ABCA1: variants seen among roughly 807,000 people sequenced by gnomAD.
The protein encoded by ABCA1 is ATP binding cassette subfamily A member 1.
A neutral mutation model predicts 262.5 loss-of-function variants in ABCA1; 133 were observed. The ratio of observed to expected loss-of-function variants is 0.51; its 90% CI spans 0.44 to 0.59. ABCA1 has a LOEUF of 0.59. Among genes scored for constraint, ABCA1 ranks in the 20% least tolerant of loss-of-function variants. The probability of loss-of-function intolerance (pLI) is 0.00; values close to 1 mark genes in which losing one functional copy is unlikely to be tolerated. For synonymous variants in ABCA1, 1,022 were observed against 1,043.5 expected, an observed-to-expected ratio of 0.98 and a Z score of 0.40; for missense variants, 2,452 against 2,777.5, an observed-to-expected ratio of 0.88 and a Z score of 2.63.
chr9:104,856,494 G>T (rs762748430), intron 7 of ABCA1, among the ~76,000 whole-genome samples: 1 of 152,162 alleles, frequency 6.6e-6, no homozygotes, highest in Admixed American at 6.5e-5. Flanking sequence ...TGTAGCTGAC[G>T]GTTCTGAAGG....
At chr9:104,819,534 GCC>G in intron 22 of ABCA1, 50 bp downstream of exon 22, 1 of 1,612,312 alleles carries the variant, frequency 6.2e-7, no homozygotes, top group Non-Finnish European at 8.5e-7. Flanking sequence ...CTTCTCAAAA[GCC>G]CCCCGCTCTC....
chr9:104,834,054 T>C (rs1369338333), intron 11 of ABCA1, among the ~76,000 whole-genome samples: 2 of 149,936 alleles, frequency 1.3e-5, no homozygotes, highest in Non-Finnish European at 1.5e-5. Flanking sequence ...TGCTGCTTTA[T>C]AAAAAAATCA....
At chr9:104,893,209 T>A (rs1159424721) in intron 2 of ABCA1, among the ~76,000 whole-genome samples, 1 of 151,306 alleles carries the variant, frequency 6.6e-6, no homozygotes, top group African/African-American at 2.4e-5. Context: ...GATCATGAGG[T>A]CAGGAGTTCA....
At chr9:104,898,848 C>A (rs2244278) in intron 2 of ABCA1, among the ~76,000 whole-genome samples, 15,483 of 152,160 alleles carry the variant, frequency 0.1, 1,061 homozygotes, top group South Asian at 0.22. Context: ...GACAACCTGT[C>A]AATCTAAATG....
At chr9:104,911,839 C>T (rs978086986) in intron 1 of ABCA1, among the ~76,000 whole-genome samples, 4 of 152,282 alleles carry the variant, frequency 2.6e-5, no homozygotes, top group Admixed American at 1.3e-4. Context: ...GTAAGAAATC[C>T]TCCAAGGTAA....
At chr9:104,897,312 A>C (rs1177744937) in intron 2 of ABCA1, among the ~76,000 whole-genome samples, 1 of 152,148 alleles carries the variant, frequency 6.6e-6, no homozygotes, top group Non-Finnish European at 1.5e-5. Flanking sequence ...AATTGGTTGG[A>C]TCCTCTGGAA....
chr9:104,845,015 G>A (rs1834734522), intron 8 of ABCA1, among the ~76,000 whole-genome samples: 1 of 152,214 alleles, frequency 6.6e-6, no homozygotes, highest in African/African-American at 2.4e-5. Context: ...AACCTCAGAA[G>A]CCAGATGCTT....
intron 7 of ABCA1, among the ~76,000 whole-genome samples, chr9:104,848,342 T>C (rs1009265462): frequency 6.6e-6 from 1 of 152,126 alleles, no homozygotes. Context: ...AGGCTGGGCA[T>C]GGTGGCTCAC....
intron 1 of ABCA1, among the ~76,000 whole-genome samples, chr9:104,920,532 G>T (rs1390610646): frequency 6.6e-6 from 1 of 152,044 alleles, no homozygotes; most frequent in Non-Finnish European, 1.5e-5. Flanking sequence ...GTTTTGTTTT[G>T]TTTTGTTTTT....
intron 29 of ABCA1, among the ~76,000 whole-genome samples, chr9:104,810,569 A>G (rs907571117): frequency 2.6e-5 from 4 of 152,186 alleles, no homozygotes; most frequent in Non-Finnish European, 4.4e-5. Context: ...GTTCCTGACA[A>G]CAGTAGGATG....
Position 104,817,087 on chromosome 9 carries a change from C to T in ABCA1, c.3535+245G>A. On this transcript the variant is annotated intron_variant, in intron 24 of 49. Transcript: ENST00000374736. This position sits in a 1 kb window ranked among gnomAD's most constrained non-coding sequence, Gnocchi z 4.7. The stretch of plus-strand genomic sequence containing the variant: ...CCACTCCCCTAAGGGATTCCCCAAA[C>T]CCCAATCATCTCAGCTCTCTGGGAC... 1 of 513,612 alleles carries T rather than the reference C, an allele frequency of 1.9e-6. No individual in the cohort carries two copies. Among genetic ancestry groups the T allele is most frequent in the African/African-American group, 2.1e-5 (1 of 48,044 alleles). The allele number at this position is 513,612 out of a possible 1,614,324, so 31.8% of individuals were successfully genotyped here. A position where few individuals can be genotyped will look rare whatever the true frequency, so the allele number is the denominator to read the frequency against.
chr9:104,903,342 G>A (rs577479931), intron 2 of ABCA1, among the ~76,000 whole-genome samples: 5 of 152,282 alleles, frequency 3.3e-5, no homozygotes, highest in East Asian at 1.9e-4. Context: ...GCTCAGGGGC[G>A]ATTCGGAGCC....
chr9:104,803,806 C>T (rs1047505095), intron 32 of ABCA1, among the ~76,000 whole-genome samples: 2 of 152,080 alleles, frequency 1.3e-5, no homozygotes, highest in African/African-American at 4.8e-5. Context: ...AGGGTTTCCC[C>T]ATGTTGGCCA....
At chr9:104,804,889 C>T (rs891293611) in intron 31 of ABCA1, among the ~76,000 whole-genome samples, 169 bp from the exon 32 acceptor site, 4 of 152,162 alleles carry the variant, frequency 2.6e-5, no homozygotes, top group Admixed American at 1.3e-4. Flanking sequence ...ACCCTGCCCT[C>T]GGCACTGGTA....
intron 14 of ABCA1, among the ~76,000 whole-genome samples, chr9:104,829,943 TACACACACAC>T (rs59055896): frequency 0.092 from 12,998 of 140,828 alleles, 908 homozygotes; most frequent in East Asian, 0.41. Flanking sequence ...TCCTGATCCC[TACACACACAC>T]ACACACACAC....
At chr9:104,806,117 A>C (rs1408021182) in intron 31 of ABCA1, 124 bp downstream of exon 31, 2 of 1,136,904 alleles carry the variant, frequency 1.8e-6, no homozygotes, top group Non-Finnish European at 2.5e-6. Context: ...AAAAAAAAAC[A>C]AAAAACAAAA....
intron 34 of ABCA1, 140 bp from the exon 35 acceptor site, chr9:104,800,724 C>CGTTT: frequency 1.3e-6 from 1 of 775,804 alleles, no homozygotes; most frequent in Non-Finnish European, 2.3e-6. Flanking sequence ...AATGTGAAGC[C>CGTTT]ATTAAATAAA....
intron 1 of ABCA1, among the ~76,000 whole-genome samples, chr9:104,908,891 C>T (rs922918191): frequency 1.3e-4 from 19 of 151,992 alleles, no homozygotes; most frequent in African/African-American, 3.4e-4. Context: ...GTGGAGGGGA[C>T]GACAGACTGA....
intron 23 of ABCA1, 30 bp downstream of exon 23, chr9:104,818,633 C>T (rs1303037393): frequency 1.2e-6 from 2 of 1,606,190 alleles, no homozygotes; most frequent in Non-Finnish European, 8.5e-7. Flanking sequence ...CCAGACCCAA[C>T]ACCAGCCCAG....
Sources: gnomAD v4.1 joint callset for allele counts (sites outside exome capture counted in the v4.1 genomes callset) on GRCh38, gnomAD v4.1.1 for gene constraint, Gnocchi (gnomAD v3.1) non-coding constraint, MANE v1.5 for transcripts, NCBI Gene and HGNC (gene_info 2026-07-23, HGNC 2026-07-21) for gene names.